The following ACSL1 variants were observed in gnomAD, a reference collection of about 807,000 sequenced individuals.
The protein encoded by ACSL1 is long-chain-fatty-acid--CoA ligase 1.
A neutral mutation model predicts 98.4 loss-of-function variants in ACSL1; 41 were observed. That is an observed-to-expected ratio of 0.42 (90% CI 0.32 to 0.54). The LOEUF is 0.54. Among genes scored for constraint, ACSL1 ranks in the 20% least tolerant of loss-of-function variants. The probability of loss-of-function intolerance (pLI) is 0.13; values close to 1 mark genes in which losing one functional copy is unlikely to be tolerated. For missense variants in ACSL1, 734 were observed against 883.1 expected (o/e 0.83, Z 2.14); for synonymous variants, 316 against 322.7 (o/e 0.98, Z 0.22).
chr4:184,762,131 CA>C (rs375024812), intron 17 of ACSL1, among the ~76,000 whole-genome samples: 138 of 131,190 alleles, frequency 1.1e-3, no homozygotes, highest in Middle Eastern at 3.8e-3. Context: ...GATTCCGTCT[CA>C]AAAAAAAAAA....
At chr4:184,801,143 C>T (rs1770444315) in intron 2 of ACSL1, among the ~76,000 whole-genome samples, 1 of 152,062 alleles carries the variant, frequency 6.6e-6, no homozygotes, top group Non-Finnish European at 1.5e-5. Context: ...GCATGTGCCA[C>T]TGCACCCAGC....
In ACSL1 at chr4:184,805,484, T is replaced by C. The variant is rs561563637; in HGVS notation, c.-32-1938A>G. 5 of 985,486 alleles carry C rather than the reference T, an allele frequency of 5.1e-6. 1 individual carries two copies. In the African/African-American group the frequency reaches 7.0e-5, roughly 14 times the overall value. The allele number at this position is 985,486 out of a possible 1,614,324, so 61.0% of individuals were successfully genotyped here. A position where few individuals can be genotyped will look rare whatever the true frequency, so the allele number is the denominator to read the frequency against. ...CAGATAAGCAGATTTCTTCAGGCCATGGTTCTGGAAAGAAGGCACCAGCAC... is the reference window on the plus strand; with the variant it reads ...CAGATAAGCAGATTTCTTCAGGCCACGGTTCTGGAAAGAAGGCACCAGCAC... On this transcript the variant is annotated intron_variant, in intron 1 of 20. Transcript: ENST00000281455.
intron 7 of ACSL1, among the ~76,000 whole-genome samples, chr4:184,775,542 C>G (rs1469206232): frequency 6.6e-6 from 1 of 152,108 alleles, no homozygotes; most frequent in Non-Finnish European, 1.5e-5. Context: ...GCACCCGGGT[C>G]AGCACTTGCG....
At chr4:184,771,403 C>T (rs181056917) in intron 10 of ACSL1, among the ~76,000 whole-genome samples, 4 of 152,220 alleles carry the variant, frequency 2.6e-5, no homozygotes, top group Admixed American at 2.6e-4. Context: ...AGGTGGATTT[C>T]CAAGGTCCTT....
chr4:184,819,043 G>A (rs1772848489), intron 1 of ACSL1, among the ~76,000 whole-genome samples: 1 of 151,982 alleles, frequency 6.6e-6, no homozygotes, highest in Non-Finnish European at 1.5e-5. Context: ...GAAGGGGAGA[G>A]TCACTCCAGG....
intron 16 of ACSL1, 27 bp from the exon 17 acceptor site, chr4:184,762,550 C>G: frequency 6.3e-7 from 1 of 1,590,834 alleles, no homozygotes; most frequent in Non-Finnish European, 8.6e-7. Flanking sequence ...CATCAGTGAA[C>G]AGCATTTACT....
At chr4:184,762,347 G>C (rs1579833066) in intron 17 of ACSL1, 60 bp downstream of exon 17, 1 of 1,407,942 alleles carries the variant, frequency 7.1e-7, no homozygotes, top group East Asian at 2.3e-5. Flanking sequence ...CAGTAGATAA[G>C]ACATTTTCTT....
intron 3 of ACSL1, among the ~76,000 whole-genome samples, chr4:184,787,541 G>C (rs115771174): frequency 6.6e-6 from 1 of 152,138 alleles, no homozygotes; most frequent in Non-Finnish European, 1.5e-5. Flanking sequence ...ACCCAGGCTG[G>C]GGGTAGAAAG....
At chr4:184,787,494 T>C (rs931759341) in intron 3 of ACSL1, among the ~76,000 whole-genome samples, 2 of 151,962 alleles carry the variant, frequency 1.3e-5, no homozygotes, top group Non-Finnish European at 2.9e-5. Flanking sequence ...AAAGGTGAAA[T>C]GCAGTGAGTT....
chr4:184,809,281 G>A (rs1419311127), intron 1 of ACSL1, among the ~76,000 whole-genome samples: 5 of 152,108 alleles, frequency 3.3e-5, no homozygotes, highest in Non-Finnish European at 7.3e-5. Flanking sequence ...CTGTTAACCA[G>A]TAAAATGAGG....
intron 4 of ACSL1, 68 bp from the exon 5 acceptor site, chr4:184,780,501 G>T: frequency 8.4e-7 from 1 of 1,188,758 alleles, no homozygotes; most frequent in Non-Finnish European, 1.2e-6. Flanking sequence ...CTGACCAGAC[G>T]GCAGGCTTGT....
intron 12 of ACSL1, chr4:184,768,096 T>C: frequency 3.9e-6 from 2 of 508,958 alleles, no homozygotes; most frequent in Non-Finnish European, 6.8e-6. Flanking sequence ...GTTGTGACCA[T>C]GGTTTACAAA....
rs1765310495 is a variant in ACSL1 at position 184,776,489 on chromosome 4, T to C, written c.751A>G (p.Met251Val). 1 of 1,611,928 alleles carries C rather than the reference T, an allele frequency of 6.2e-7. No homozygotes were observed. The highest frequency in any genetic ancestry group is 8.5e-7 in the Non-Finnish European group (1 of 1,179,166). ...GAAGGAGGCAGGGCACTCACCTCCATCGCCTTCATGCTGGTGACTTCCACC... is the reference window on the plus strand; with the variant it reads ...GAAGGAGGCAGGGCACTCACCTCCACCGCCTTCATGCTGGTGACTTCCACC... ...CGVEVTSMKAMEDLGRANRRK... is the reference protein window; with the variant it reads ...CGVEVTSMKAVEDLGRANRRK... Residue 251 changes from methionine (M) to valine (V), a missense_variant, in exon 7 of 21, where the codon ATG (methionine) becomes GTG (valine). By Grantham distance (21) the Met-to-Val change is conservative. Coordinates refer to ENST00000281455, the MANE Select transcript of ACSL1 (RefSeq NM_001995.5).
At position 184,803,415 on chromosome 4, in the gene ACSL1, C is replaced by T; in HGVS notation, c.100G>A (p.Gly34Arg). The T allele has an allele frequency of 2.5e-6, 4 of 1,614,020 alleles. No individual in the cohort carries two copies. Among genetic ancestry groups the T allele is most frequent in the South Asian group, 1.1e-5 (1 of 91,058 alleles). ...TLPTNTLMGFGAFAALTTFWY... is the reference protein window; with the variant it reads ...TLPTNTLMGFRAFAALTTFWY... Reference sequence around the variant, plus strand: ...AAGGTGGTGAGTGCTGCAAAAGCTCCGAAGCCCATAAGCGTGTTGGTCGGA... The same window carrying T: ...AAGGTGGTGAGTGCTGCAAAAGCTCTGAAGCCCATAAGCGTGTTGGTCGGA... Residue 34 changes from glycine to arginine, a missense_variant, in exon 2 of 21, where the codon GGA becomes AGA. Transcript: ENST00000281455. The surrounding 1 kb of genome is among the most constrained non-coding windows in gnomAD (Gnocchi z 4.8).
chr4:184,818,075 C>T (rs1388176730), intron 1 of ACSL1, among the ~76,000 whole-genome samples: 1 of 152,160 alleles, frequency 6.6e-6, no homozygotes, highest in Non-Finnish European at 1.5e-5. Context: ...AACTCAGTTC[C>T]GTCCACTGTG....
At chr4:184,789,167 T>C (rs1174382478) in intron 2 of ACSL1, among the ~76,000 whole-genome samples, 1 of 152,202 alleles carries the variant, frequency 6.6e-6, no homozygotes, top group African/African-American at 2.4e-5. Flanking sequence ...AACCAATCAT[T>C]CGCCTGGAGG....
In ACSL1 at chr4:184,765,790, A is replaced by G. The variant is rs1251239698; in HGVS notation, c.1359+101T>C. ...AATATAGATACGCTTGTCAATTAAG[A>G]AAGAACACACACACACACACACAGT... On this transcript the variant is annotated intron_variant, in intron 14 of 20. Transcript: ENST00000281455. 3.2e-6 allele frequency: 3 copies of G among 944,350 alleles called. No individual in the cohort carries two copies. The African/African-American group carries it at 5.0e-5, about 16-fold the overall frequency. 58.5% of individuals were successfully genotyped at this position (944,350 alleles called of 1,614,324 possible). A position where few individuals can be genotyped will look rare whatever the true frequency, so the allele number is the denominator to read the frequency against.
chr4:184,767,714 C>G (rs569417043), intron 12 of ACSL1, among the ~76,000 whole-genome samples: 10 of 152,262 alleles, frequency 6.6e-5, no homozygotes, highest in Non-Finnish European at 1.3e-4. Context: ...TGAGAGATAA[C>G]AAAAGTCCTG....
intron 15 of ACSL1, among the ~76,000 whole-genome samples, chr4:184,763,510 A>G (rs2150278611): frequency 6.6e-6 from 1 of 152,314 alleles, no homozygotes; most frequent in South Asian, 2.1e-4. Flanking sequence ...TTTGGCCTCT[A>G]TGTGAAGGTT....
Sources: gnomAD v4.1 joint callset for allele counts (sites outside exome capture counted in the v4.1 genomes callset) on GRCh38, gnomAD v4.1.1 for gene constraint, Gnocchi (gnomAD v3.1) non-coding constraint, MANE v1.5 for transcripts, NCBI Gene and HGNC (gene_info 2026-07-23, HGNC 2026-07-21) for gene names.